Variants in GTF2IRD1 observed in about 807,000 individuals in gnomAD.
GTF2IRD1 encodes the protein GTF2I repeat domain containing 1, also known as general transcription factor II-I repeat domain-containing protein 1.
Under a neutral mutation model 113.2 loss-of-function variants are expected in GTF2IRD1, and 26 were observed. The ratio of observed to expected loss-of-function variants is 0.23; its 90% CI spans 0.17 to 0.32. GTF2IRD1 has a LOEUF of 0.32. Ranked by LOEUF, GTF2IRD1 falls within the 10% of genes least tolerant of loss-of-function variation. The pLI is 1.00. For missense variants in GTF2IRD1, 864 were observed against 1,280.8 expected (o/e 0.67, Z 4.97); for synonymous variants, 484 against 529.1 (o/e 0.91, Z 1.17).
chr7:74,550,429 A>G (rs2130710758), intron 17 of GTF2IRD1, among the ~76,000 whole-genome samples: 1 of 149,968 alleles, frequency 6.7e-6, no homozygotes, highest in East Asian at 2.0e-4. Flanking sequence ...TCTCTAGGGA[A>G]AAAAAAAAAT....
intron 8 of GTF2IRD1, among the ~76,000 whole-genome samples, chr7:74,527,323 T>C (rs1167008662): frequency 6.6e-6 from 1 of 152,014 alleles, no homozygotes; most frequent in African/African-American, 2.4e-5. Context: ...ACCCCGTCTC[T>C]TCAAAAAATA....
In GTF2IRD1 at chr7:74,521,278, C is replaced by T. The variant is rs1554345918; in HGVS notation, c.987C>T (p.Ser329=). 2.5e-6 allele frequency: 4 copies of T among 1,609,858 alleles called. No homozygotes were observed. Among genetic ancestry groups the T allele is most frequent in the Admixed American group, 1.7e-5 (1 of 60,006 alleles). ...ATGCCTCCAAGCGCATTCTCTTCTC[C>T]ATCGTCCATGACAAGTCAGGTAGGA... The part of the protein sequence containing the change: ...NVHASKRILF[S]IVHDKSEKWD... The change falls in exon 7 of 27, where the codon TCC becomes TCT. Residue 329 remains serine (S), a synonymous_variant. Coordinates refer to ENST00000424337, the MANE Select transcript of GTF2IRD1 (RefSeq NM_005685.4).
intron 22 of GTF2IRD1, among the ~76,000 whole-genome samples, chr7:74,585,091 C>CGCGCCCA (rs1253047725): frequency 6.7e-6 from 1 of 150,070 alleles, no homozygotes; most frequent in Non-Finnish European, 1.5e-5. Flanking sequence ...TGTGAGCCAC[C>CGCGCCCA]GCGCCCAGCC....
chr7:74,585,110 GTT>G (rs781982819), intron 22 of GTF2IRD1, among the ~76,000 whole-genome samples: 7 of 121,946 alleles, frequency 5.7e-5, no homozygotes, highest in East Asian at 2.5e-4. Context: ...CCTGTTTGGT[GTT>G]TTTTTTTTTT....
intron 14 of GTF2IRD1, among the ~76,000 whole-genome samples, chr7:74,541,606 A>T (rs1798641625): frequency 6.6e-6 from 1 of 151,870 alleles, no homozygotes; most frequent in Non-Finnish European, 1.5e-5. Flanking sequence ...ACCCTATCTT[A>T]AAATAAATAA....
At chr7:74,538,058 A>G in intron 11 of GTF2IRD1, 78 bp from the exon 12 acceptor site, 1 of 1,466,474 alleles carries the variant, frequency 6.8e-7, no homozygotes, top group Non-Finnish European at 9.5e-7. Flanking sequence ...GTGGGCCCTG[A>G]CTGCCTGGAG....
At chr7:74,569,605 G>A (rs587615324) in intron 22 of GTF2IRD1, among the ~76,000 whole-genome samples, 1 of 152,328 alleles carries the variant, frequency 6.6e-6, no homozygotes, top group South Asian at 2.1e-4. Context: ...GATCAGATTT[G>A]CGCTGTCTTC....
At chr7:74,578,480 ATTTTAC>A (rs1334073529) in intron 22 of GTF2IRD1, among the ~76,000 whole-genome samples, 3 of 152,288 alleles carry the variant, frequency 2.0e-5, no homozygotes, top group Middle Eastern at 3.4e-3. Flanking sequence ...CCAGCCTATA[ATTTTAC>A]TTTTATGACA....
intron 1 of GTF2IRD1, among the ~76,000 whole-genome samples, chr7:74,503,973 A>G (rs1230812935): frequency 1.3e-5 from 2 of 152,058 alleles, no homozygotes; most frequent in Non-Finnish European, 2.9e-5. Context: ...GTGAGTACCC[A>G]ACGTTTAGCT....
intron 8 of GTF2IRD1, among the ~76,000 whole-genome samples, chr7:74,528,446 C>G (rs1797729704): frequency 6.6e-6 from 1 of 152,036 alleles, no homozygotes; most frequent in African/African-American, 2.4e-5. Flanking sequence ...CAAGCATTTC[C>G]CAACAACTGT....
At chr7:74,541,704 A>G (rs1554351734) in intron 14 of GTF2IRD1, among the ~76,000 whole-genome samples, 1 of 151,942 alleles carries the variant, frequency 6.6e-6, no homozygotes, top group African/African-American at 2.4e-5. Context: ...GTTCAAAACC[A>G]GCCTGGCCAG....
At chr7:74,518,695 C>T (rs1554345232) in intron 5 of GTF2IRD1, among the ~76,000 whole-genome samples, 2 of 151,964 alleles carry the variant, frequency 1.3e-5, no homozygotes, top group Non-Finnish European at 2.9e-5. Context: ...GCCTGGGCAA[C>T]ATACCAAGAC....
chr7:74,501,751 G>T (rs946063971), intron 1 of GTF2IRD1, among the ~76,000 whole-genome samples: 1 of 151,956 alleles, frequency 6.6e-6, no homozygotes, highest in African/African-American at 2.4e-5. Context: ...TCCTGGGTTC[G>T]AGCGATTCTC....
intron 22 of GTF2IRD1, among the ~76,000 whole-genome samples, chr7:74,571,428 G>C (rs938657686): frequency 1.3e-5 from 2 of 152,166 alleles, no homozygotes; most frequent in Admixed American, 1.3e-4. Context: ...TTCTGCTGAC[G>C]TCCCCATAGC....
intron 22 of GTF2IRD1, among the ~76,000 whole-genome samples, chr7:74,575,644 G>C (rs1554364309): frequency 6.6e-6 from 1 of 152,184 alleles, no homozygotes; most frequent in Non-Finnish European, 1.5e-5. Context: ...TATAAGCTGT[G>C]AGAAAATGAG....
At chr7:74,456,778 C>T (rs1164387993) in intron 1 of GTF2IRD1, among the ~76,000 whole-genome samples, 1 of 152,098 alleles carries the variant, frequency 6.6e-6, no homozygotes, top group Non-Finnish European at 1.5e-5. Flanking sequence ...TTCCTCTTCT[C>T]TCGAAGGTTC....
At chr7:74,557,273 C>T (rs1232267773) in intron 19 of GTF2IRD1, among the ~76,000 whole-genome samples, 7 of 152,264 alleles carry the variant, frequency 4.6e-5, no homozygotes, top group South Asian at 2.1e-4. Context: ...TCCATTCCCT[C>T]GCTTGTCTCC....
At chr7:74,520,842 C>CTATTATTAT (rs200488760) in intron 6 of GTF2IRD1, among the ~76,000 whole-genome samples, 1,380 of 129,072 alleles carry the variant, frequency 0.011, 16 homozygotes, top group East Asian at 0.035. Context: ...GTTATATATA[C>CTATTATTAT]TATTATTATT....
At chr7:74,576,255 C>T (rs1801055314) in intron 22 of GTF2IRD1, among the ~76,000 whole-genome samples, 1 of 151,832 alleles carries the variant, frequency 6.6e-6, no homozygotes, top group Non-Finnish European at 1.5e-5. Flanking sequence ...ATGAGTCTTC[C>T]AAGGCTAATG....
Sources: allele counts gnomAD v4.1 joint callset (sites outside exome capture counted in the v4.1 genomes callset), GRCh38; gene constraint gnomAD v4.1.1; transcripts MANE v1.5; gene names NCBI Gene and HGNC (gene_info 2026-07-23, HGNC 2026-07-21).